Variants in ATP2B4 observed in about 807,000 individuals in gnomAD.
ATP2B4 encodes the protein plasma membrane calcium-transporting ATPase 4.
A neutral mutation model predicts 110.3 loss-of-function variants in ATP2B4; 39 were observed. The observed-to-expected ratio is 0.35, with a 90% CI of 0.27 to 0.46. The LOEUF is 0.46. ATP2B4 is among the 20% of genes least tolerant of loss of function. The pLI, the probability that ATP2B4 is intolerant of heterozygous loss-of-function variation, is 1.00. For missense variants in ATP2B4, 1,135 were observed against 1,530.9 expected (o/e 0.74, Z 4.32); for synonymous variants, 538 against 571.7 (o/e 0.94, Z 0.84).
chr1:203,637,918 C>T (rs915852845), intron 1 of ATP2B4, among the ~76,000 whole-genome samples: 4 of 152,094 alleles, frequency 2.6e-5, no homozygotes, highest in Non-Finnish European at 5.9e-5. Context: ...GATACAAGAG[C>T]GGGAACACAC....
chr1:203,705,696 C>T (rs908010102), intron 8 of ATP2B4, among the ~76,000 whole-genome samples: 6 of 152,286 alleles, frequency 3.9e-5, no homozygotes, highest in Middle Eastern at 3.4e-3. Flanking sequence ...GGATTATAGG[C>T]GTGAGCCACT....
At chr1:203,721,651 T>C (rs908755815) in intron 17 of ATP2B4, among the ~76,000 whole-genome samples, 2 of 141,710 alleles carry the variant, frequency 1.4e-5, no homozygotes, top group African/African-American at 5.5e-5. Context: ...TATTTCTTTC[T>C]TTCTTTTTTT....
At chr1:203,690,952 T>G (rs1665355041) in intron 2 of ATP2B4, among the ~76,000 whole-genome samples, 1 of 152,166 alleles carries the variant, frequency 6.6e-6, no homozygotes, top group African/African-American at 2.4e-5. Flanking sequence ...TGGTTTGAGT[T>G]TCATGCCTAG....
At chr1:203,732,447 C>T (rs1666757340) in intron 20 of ATP2B4, among the ~76,000 whole-genome samples, 1 of 152,122 alleles carries the variant, frequency 6.6e-6, no homozygotes, top group African/African-American at 2.4e-5. Flanking sequence ...CTCAGGGAGC[C>T]TACCTACTTC....
At chr1:203,724,482 A>C (rs1242110667) in intron 19 of ATP2B4, among the ~76,000 whole-genome samples, 4 of 151,854 alleles carry the variant, frequency 2.6e-5, no homozygotes, top group Admixed American at 2.6e-4. Context: ...GCGCCACTGC[A>C]CTCCAGCCTG....
intron 1 of ATP2B4, among the ~76,000 whole-genome samples, chr1:203,636,447 T>G (rs1323022615): frequency 6.6e-6 from 1 of 152,170 alleles, no homozygotes; most frequent in Admixed American, 6.5e-5. Flanking sequence ...CCTACATGAC[T>G]CAGGGCTCTT....
intron 1 of ATP2B4, among the ~76,000 whole-genome samples, chr1:203,681,658 T>A (rs10736845): frequency 6.6e-6 from 1 of 151,408 alleles, no homozygotes; most frequent in Non-Finnish European, 1.5e-5. Context: ...CCCTCCGTTT[T>A]GTCACCTACA....
intron 1 of ATP2B4, among the ~76,000 whole-genome samples, chr1:203,664,087 C>A (rs1664431761): frequency 6.6e-6 from 1 of 152,192 alleles, no homozygotes; most frequent in Non-Finnish European, 1.5e-5. Flanking sequence ...TTGCAAAGAT[C>A]AAATGTCAGA....
At position 203,722,529 on chromosome 1, in the gene ATP2B4, C is replaced by T; in HGVS notation, c.2864C>T (p.Pro955Leu). Residue 955 changes from proline (P) to leucine (L), a missense_variant, in exon 18 of 21, where the codon CCA becomes CTA. Physicochemically the swap from Pro to Leu is moderately conservative, Grantham distance 98. Transcript: ENST00000357681. ...GGGAGGAAGGCACCTCTACATTCAC[C>T]ACCCAGCCAGCACTATACCATTGTT... is the stretch of plus-strand genomic sequence containing the variant. ...DSGRKAPLHS[P>L]PSQHYTIVFN... 2 of 1,614,168 alleles carry T rather than the reference C, an allele frequency of 1.2e-6. No homozygotes were observed. Among genetic ancestry groups the T allele is most frequent in the South Asian group, 1.1e-5 (1 of 91,076 alleles).
rs1460307264 is a variant in ATP2B4 at position 203,739,803 on chromosome 1, G to T, written c.3567G>T (p.Val1189=). ...TNNNAVDCNQ[V]QLPQSDSSLQ... is the part of the protein sequence containing the mutation. ...ACAATGCGGTGGATTGCAACCAAGT[G>T]CAGCTCCCCCAGTCGGACAGCTCTC... The change falls in exon 21 of 21, where the codon GTG becomes GTT. Residue 1189 remains valine (V), a synonymous_variant. Coordinates refer to ENST00000357681, the MANE Select transcript of ATP2B4 (RefSeq NM_001684.5). 1.9e-6 allele frequency: 3 copies of T among 1,614,130 alleles called. No homozygotes were observed. Among genetic ancestry groups the T allele is most frequent in the African/African-American group, 2.7e-5 (2 of 75,040 alleles).
chr1:203,678,383 T>G (rs1440764985), intron 1 of ATP2B4, among the ~76,000 whole-genome samples: 1 of 146,312 alleles, frequency 6.8e-6, no homozygotes, highest in Non-Finnish European at 1.5e-5. Flanking sequence ...AGCTCCTCAT[T>G]TCTAGAGGCT....
intron 1 of ATP2B4, among the ~76,000 whole-genome samples, chr1:203,650,602 G>T (rs914183147): frequency 3.9e-5 from 6 of 152,216 alleles, no homozygotes. Flanking sequence ...GTTGCACCGC[G>T]CAGAGGCCGG....
chr1:203,697,687 A>G lies in ATP2B4; in HGVS notation c.194-470A>G, dbSNP rs554168988. Among the ~76,000 whole-genome samples the G allele has an allele frequency of 5.9e-5, 9 of 152,292 alleles. No homozygotes were observed. The South Asian group carries it at 1.9e-3, about 32-fold the overall frequency. Reference sequence around the variant, plus strand: ...GATCTCATACTTGAGCAAATCAGGAAGGAAAGGGTCTTTTTTATTTATTTT... The same window carrying G: ...GATCTCATACTTGAGCAAATCAGGAGGGAAAGGGTCTTTTTTATTTATTTT... On this transcript the variant is annotated intron_variant, in intron 2 of 20. Coordinates refer to ENST00000357681, the MANE Select transcript of ATP2B4 (RefSeq NM_001684.5).
chr1:203,695,907 C>T (rs1292882454), intron 2 of ATP2B4, among the ~76,000 whole-genome samples: 1 of 152,120 alleles, frequency 6.6e-6, no homozygotes, highest in African/African-American at 2.4e-5. Context: ...ACCCAAATCT[C>T]TCCTTTTGAC....
intron 17 of ATP2B4, among the ~76,000 whole-genome samples, 184 bp downstream of exon 17, chr1:203,721,594 A>G (rs1276661228): frequency 1.3e-5 from 2 of 151,736 alleles, no homozygotes; most frequent in African/African-American, 4.8e-5. Flanking sequence ...ACTCTTGAGT[A>G]CAGTGTGTAC....
At chr1:203,714,340 G>A in intron 15 of ATP2B4, 63 bp downstream of exon 15, 1 of 1,575,988 alleles carries the variant, frequency 6.3e-7, no homozygotes, top group Middle Eastern at 2.0e-4. Context: ...GCCAGGTCCG[G>A]CTTCTGGTTG....
intron 2 of ATP2B4, among the ~76,000 whole-genome samples, chr1:203,686,376 A>G (rs1298795351): frequency 6.6e-6 from 1 of 151,998 alleles, no homozygotes; most frequent in Non-Finnish European, 1.5e-5. Context: ...CTTTCCTCCA[A>G]TTTTCCAGAT....
intron 1 of ATP2B4, among the ~76,000 whole-genome samples, chr1:203,653,980 TA>T (rs56061300): frequency 0.091 from 2,483 of 27,286 alleles, 45 homozygotes; most frequent in East Asian, 0.16. Flanking sequence ...TATATATATA[TA>T]TATATTTTTT....
chr1:203,627,445 C>G (rs1322277399), intron 1 of ATP2B4, among the ~76,000 whole-genome samples: 1 of 152,086 alleles, frequency 6.6e-6, no homozygotes, highest in Non-Finnish European at 1.5e-5. Flanking sequence ...ATTTATCTCT[C>G]TTTTCCTAGT....
Sources: gnomAD v4.1 joint callset for allele counts (sites outside exome capture counted in the v4.1 genomes callset) on GRCh38, gnomAD v4.1.1 for gene constraint, MANE v1.5 for transcripts, NCBI Gene and HGNC (gene_info 2026-07-23, HGNC 2026-07-21) for gene names.